DCLK2: variants seen among roughly 807,000 people sequenced by gnomAD.
DCLK2 encodes doublecortin like kinase 2.
A neutral mutation model predicts 78.4 loss-of-function variants in DCLK2; 31 were observed. The ratio of observed to expected loss-of-function variants is 0.40; its 90% CI spans 0.30 to 0.53. DCLK2 has a LOEUF of 0.53. Ranked by LOEUF, DCLK2 falls within the 20% of genes least tolerant of loss-of-function variation. DCLK2 has a pLI of 0.61. For synonymous variants in DCLK2, 407 were observed against 374.9 expected (o/e 1.09, Z -0.99); for missense variants, 872 against 973.7 (o/e 0.90, Z 1.39).
intron 1 of DCLK2, among the ~76,000 whole-genome samples, chr4:150,092,634 C>A (rs1420011254): frequency 6.6e-6 from 1 of 152,040 alleles, no homozygotes; most frequent in Non-Finnish European, 1.5e-5. Flanking sequence ...TTTTAAAAAT[C>A]TCTGTTTTGG....
rs1744566677 is a variant in DCLK2 at position 150,256,316 on chromosome 4, C to T, written c.*69C>T. 3 of 1,442,080 alleles carry T rather than the reference C, an allele frequency of 2.1e-6. No homozygotes were observed. The highest frequency in any genetic ancestry group is 2.7e-6 in the Non-Finnish European group (3 of 1,101,740). The allele number at this position is 1,442,080 out of a possible 1,614,324, so 89.3% of individuals were successfully genotyped here. A position where few individuals can be genotyped will look rare whatever the true frequency, so the allele number is the denominator to read the frequency against. On this transcript the variant is annotated 3_prime_UTR_variant, in exon 16 of 16. Transcript: ENST00000296550. ...CCAGCCCTCTGCTCGGCCTCGCCGGCCTCCCTGCTGCAGGCCTCCCTCTCT... is the reference window on the plus strand; with the variant it reads ...CCAGCCCTCTGCTCGGCCTCGCCGGTCTCCCTGCTGCAGGCCTCCCTCTCT...
At chr4:150,095,856 G>A (rs536730357) in intron 1 of DCLK2, among the ~76,000 whole-genome samples, 9 of 152,256 alleles carry the variant, frequency 5.9e-5, no homozygotes, top group East Asian at 3.9e-4. Context: ...GGTTATTTCC[G>A]GCGTATAAGA....
intron 3 of DCLK2, 138 bp downstream of exon 3, chr4:150,193,378 G>A (rs1738615862): frequency 1.9e-5 from 9 of 480,868 alleles, no homozygotes; most frequent in Non-Finnish European, 3.3e-5. Flanking sequence ...TACAATTTTT[G>A]AACCAATGAA....
chr4:150,205,902 G>C (rs929163730), intron 5 of DCLK2, among the ~76,000 whole-genome samples: 1 of 152,222 alleles, frequency 6.6e-6, no homozygotes, highest in Admixed American at 6.5e-5. Context: ...AGGTGGGGCT[G>C]AGATCCTTAA....
chr4:150,166,927 TG>T (rs1736131413), intron 2 of DCLK2, among the ~76,000 whole-genome samples: 1 of 152,082 alleles, frequency 6.6e-6, no homozygotes, highest in Non-Finnish European at 1.5e-5. Context: ...TAAGGATAAG[TG>T]GTGGGCGGGA....
chr4:150,242,482 A>G (rs1742998688), intron 12 of DCLK2, among the ~76,000 whole-genome samples: 1 of 152,202 alleles, frequency 6.6e-6, no homozygotes, highest in Non-Finnish European at 1.5e-5. Flanking sequence ...CTACCCCTGA[A>G]GTTAGGAGTG....
chr4:150,232,566 T>C, intron 9 of DCLK2, 110 bp downstream of exon 9: 1 of 1,532,694 alleles, frequency 6.5e-7, no homozygotes, highest in Non-Finnish European at 8.9e-7. Flanking sequence ...TTATTTATAA[T>C]CGCCGATTTT....
chr4:150,205,652 T>G (rs1392916572), intron 5 of DCLK2, among the ~76,000 whole-genome samples: 2 of 152,270 alleles, frequency 1.3e-5, no homozygotes. Context: ...TTTCAGATTT[T>G]TCTCCTATTT....
intron 2 of DCLK2, among the ~76,000 whole-genome samples, chr4:150,113,153 T>C (rs1240823753): frequency 1.3e-5 from 2 of 152,104 alleles, no homozygotes; most frequent in Non-Finnish European, 2.9e-5. Context: ...AGTTAGTATT[T>C]TGTTGAGGAT....
At chr4:150,163,778 AGCTGCTGTCTT>A (rs1735875109) in intron 2 of DCLK2, among the ~76,000 whole-genome samples, 1 of 152,248 alleles carries the variant, frequency 6.6e-6, no homozygotes, top group Non-Finnish European at 1.5e-5. Flanking sequence ...AATTTCTAAA[AGCTGCTGTCTT>A]GCATTGTCAT....
intron 2 of DCLK2, among the ~76,000 whole-genome samples, chr4:150,188,507 A>G (rs1179600953): frequency 6.6e-6 from 1 of 152,132 alleles, no homozygotes; most frequent in East Asian, 1.9e-4. Context: ...ATAGGCATTC[A>G]GTGACTAGAA....
chr4:150,097,268 T>C (rs528899814), intron 1 of DCLK2, among the ~76,000 whole-genome samples: 2 of 151,638 alleles, frequency 1.3e-5, no homozygotes, highest in South Asian at 4.2e-4. Flanking sequence ...GTTCAAGCGA[T>C]TCTAGTGTTT....
intron 12 of DCLK2, 54 bp downstream of exon 12, chr4:150,240,530 C>A: frequency 6.9e-7 from 1 of 1,443,188 alleles, no homozygotes; most frequent in Non-Finnish European, 9.4e-7. Flanking sequence ...CCCTTGGGTC[C>A]AGAAGCAGGT....
At chr4:150,228,449 C>T (rs1741781762) in intron 8 of DCLK2, among the ~76,000 whole-genome samples, 1 of 152,186 alleles carries the variant, frequency 6.6e-6, no homozygotes, top group African/African-American at 2.4e-5. Context: ...TTCACGTGAA[C>T]ACTTTGGTAC....
intron 2 of DCLK2, among the ~76,000 whole-genome samples, chr4:150,117,834 G>A (rs1580534532): frequency 6.6e-6 from 1 of 152,222 alleles, no homozygotes; most frequent in Non-Finnish European, 1.5e-5. Context: ...AAGTTCCTCT[G>A]TTGCTTCTTG....
At chr4:150,200,678 A>G (rs377386917) in intron 4 of DCLK2, among the ~76,000 whole-genome samples, 18 of 152,252 alleles carry the variant, frequency 1.2e-4, no homozygotes, top group African/African-American at 3.9e-4. Flanking sequence ...CTTTATGAAC[A>G]TAATATTGTA....
chr4:150,092,165 T>G (rs1469402591), intron 1 of DCLK2, among the ~76,000 whole-genome samples: 1 of 152,150 alleles, frequency 6.6e-6, no homozygotes, highest in Non-Finnish European at 1.5e-5. Context: ...CTGAATAATA[T>G]CTCATTGTAT....
chr4:150,104,440 A>G (rs973188998), intron 2 of DCLK2, among the ~76,000 whole-genome samples: 3 of 148,854 alleles, frequency 2.0e-5, no homozygotes, highest in African/African-American at 5.0e-5. Context: ...ATCTAATTCA[A>G]ATATCTAATT....
At chr4:150,145,254 C>T (rs1734387269) in intron 2 of DCLK2, among the ~76,000 whole-genome samples, 1 of 152,150 alleles carries the variant, frequency 6.6e-6, no homozygotes, top group African/African-American at 2.4e-5. Flanking sequence ...TTGATTTCCT[C>T]TGCATTACCA....
Sources: allele counts gnomAD v4.1 joint callset (sites outside exome capture counted in the v4.1 genomes callset), GRCh38; gene constraint gnomAD v4.1.1; transcripts MANE v1.5; gene names NCBI Gene and HGNC (gene_info 2026-07-23, HGNC 2026-07-21).